Variants in UPF1 observed in about 807,000 individuals in gnomAD.
UPF1 encodes regulator of nonsense transcripts 1.
UPF1 carries 9 observed loss-of-function variants against 129.2 expected under a neutral mutation model. The ratio of observed to expected loss-of-function variants is 0.07; its 90% CI spans 0.04 to 0.12. The LOEUF (loss-of-function observed/expected upper bound fraction) is 0.12, where lower values mean the gene tolerates loss of function less well. Ranked by LOEUF, UPF1 falls within the 10% of genes least tolerant of loss-of-function variation. UPF1 has a pLI of 1.00. For synonymous variants in UPF1, 649 were observed against 644.9 expected (o/e 1.01, Z -0.10); for missense variants, 788 against 1,525.3 (o/e 0.52, Z 8.05).
At chr19:18,856,365 C>A in intron 13 of UPF1, 65 bp downstream of exon 13, 1 of 1,440,154 alleles carries the variant, frequency 6.9e-7, no homozygotes, top group Non-Finnish European at 9.5e-7. Context: ...TTGTTTGGGC[C>A]AAAGCACCTA....
At chr19:18,834,688 G>A (rs939839023) in intron 1 of UPF1, among the ~76,000 whole-genome samples, 2 of 152,182 alleles carry the variant, frequency 1.3e-5, no homozygotes, top group Admixed American at 6.5e-5. Flanking sequence ...AACGGAATTT[G>A]GGGGCAAGGA....
rs758036239 is a variant in UPF1, at chr19:18,854,945, G to A, written c.1332G>A (p.Lys444=). The change falls in exon 10 of 24, where the codon AAG becomes AAA. Residue 444 remains lysine, a synonymous_variant. Transcript: ENST00000262803. ...CGGTGTCTGGCTACATCTACCACAA[G>A]CTGTTGGGCCACGAGGTGGAGGACG... ...ETSVSGYIYH[K]LLGHEVEDVI... The A allele has an allele frequency of 1.8e-5, 29 of 1,614,248 alleles. No homozygotes were observed. Among genetic ancestry groups the A allele is most frequent in the Non-Finnish European group, 2.5e-5 (29 of 1,180,054 alleles).
At chr19:18,849,382 G>C (rs1371265975) in intron 3 of UPF1, 2 of 153,746 alleles carry the variant, frequency 1.3e-5, no homozygotes, top group Admixed American at 1.3e-4. Flanking sequence ...GTTAGATACG[G>C]CAGATAGGTG....
chr19:18,848,391 G>C (rs1218253645), intron 3 of UPF1: 1 of 155,030 alleles, frequency 6.5e-6, no homozygotes. Flanking sequence ...AATTCCAAGG[G>C]GGGAGTTCGA....
chr19:18,839,878 G>A (rs999594065), intron 1 of UPF1, among the ~76,000 whole-genome samples: 1 of 152,208 alleles, frequency 6.6e-6, no homozygotes, highest in Non-Finnish European at 1.5e-5. Flanking sequence ...AGGAGTAGGA[G>A]TGGGCTCCCC....
At chr19:18,840,062 G>T (rs927925728) in intron 1 of UPF1, among the ~76,000 whole-genome samples, 6 of 152,274 alleles carry the variant, frequency 3.9e-5, no homozygotes, top group African/African-American at 1.2e-4. Flanking sequence ...CTGCTGGGGT[G>T]CCTTGACCAA....
At position 18,850,914 on chromosome 19, in the gene UPF1, G is replaced by A. The variant is rs946174464; in HGVS notation, c.810+46G>A. ...GACCCGTGCCTTCGTGTGGTTTCTGGTTGCGGGGAGGGGAGTGTCTTCAGA... is the reference window on the plus strand; with the variant it reads ...GACCCGTGCCTTCGTGTGGTTTCTGATTGCGGGGAGGGGAGTGTCTTCAGA... On this transcript the variant is annotated intron_variant, in intron 5 of 23. Coordinates refer to ENST00000262803, the MANE Select transcript of UPF1 (RefSeq NM_002911.4). The surrounding 1 kb of genome is among the most constrained non-coding windows in gnomAD (Gnocchi z 7.1). 4.0e-6 allele frequency: 6 copies of A among 1,482,878 alleles called. No homozygotes were observed. The Admixed American group carries it at 1.5e-4, about 36-fold the overall frequency. The allele number at this position is 1,482,878 out of a possible 1,614,324, so 91.9% of individuals were successfully genotyped here. A position where few individuals can be genotyped will look rare whatever the true frequency, so the allele number is the denominator to read the frequency against.
chr19:18,835,372 C>T (rs1184632176), intron 1 of UPF1, among the ~76,000 whole-genome samples: 2 of 151,536 alleles, frequency 1.3e-5, no homozygotes, highest in Admixed American at 6.6e-5. Flanking sequence ...GACAGAGTCT[C>T]GCTCTGTTGC....
chr19:18,847,897 T>C (rs1227903660), intron 3 of UPF1, 64 bp downstream of exon 3: 6 of 1,546,182 alleles, frequency 3.9e-6, no homozygotes, highest in Non-Finnish European at 4.5e-6. Flanking sequence ...GTGTAAATTA[T>C]GGAAATGTTG....
Position 18,867,719 on chromosome 19 carries a change from G to A in UPF1, c.*1202G>A, listed in dbSNP as rs1048596057. The stretch of plus-strand genomic sequence containing the variant: ...CGCGTTCTGTGTGAAGGGACTGAGG[G>A]TGTGGTGTCATTGGCAGAGGGTCAT... On this transcript the variant is annotated 3_prime_UTR_variant, in exon 24 of 24. Coordinates refer to ENST00000262803, the MANE Select transcript of UPF1 (RefSeq NM_002911.4). The A allele has an allele frequency of 2.0e-5, 3 of 152,366 alleles. No individual in the cohort carries two copies. The highest frequency in any genetic ancestry group is 2.0e-4 in the Admixed American group (3 of 15,288). The allele number at this position is 152,366 out of a possible 1,614,324, so 9.4% of individuals were successfully genotyped here. A position where few individuals can be genotyped will look rare whatever the true frequency, so the allele number is the denominator to read the frequency against.
At position 18,866,772 on chromosome 19, in the gene UPF1, C is replaced by T. The variant is rs1341813867; in HGVS notation, c.*255C>T. On this transcript the variant is annotated 3_prime_UTR_variant, in exon 24 of 24. Coordinates refer to ENST00000262803, the MANE Select transcript of UPF1 (RefSeq NM_002911.4). ...GAGCCGCGGCCACCAGGAGGCCCCG[C>T]TCCGTCCCATCGGGGCTGCGGCCAG... The T allele has an allele frequency of 6.6e-6, 1 of 152,556 alleles. No individual in the cohort carries two copies. Among genetic ancestry groups the T allele is most frequent in the African/African-American group, 2.4e-5 (1 of 41,480 alleles). 9.5% of individuals were successfully genotyped at this position (152,556 alleles called of 1,614,324 possible).
At position 18,832,414 on chromosome 19, in the gene UPF1, G is replaced by T. The variant is rs17339451; in HGVS notation, c.205G>T (p.Ala69Ser). Residue 69 changes from alanine to serine, a missense_variant, in exon 1 of 24, where the codon GCT becomes TCT. Coordinates refer to ENST00000262803, the MANE Select transcript of UPF1 (RefSeq NM_002911.4). The surrounding 1 kb of genome is among the most constrained non-coding windows in gnomAD (Gnocchi z 5.6). ...AGGPGGAGAG[A>S]AAGQLDAQVG... Reference sequence around the variant, plus strand: ...AGGCCCGGGCGGCGCGGGCGCGGGCGCTGCGGCGGGACAGCTCGACGCGCA... The same window carrying T: ...AGGCCCGGGCGGCGCGGGCGCGGGCTCTGCGGCGGGACAGCTCGACGCGCA... The T allele has an allele frequency of 4.6e-5, 46 of 998,510 alleles. No homozygotes were observed. The highest frequency in any genetic ancestry group is 1.1e-4 in the African/African-American group (6 of 57,088). The allele number at this position is 998,510 out of a possible 1,614,324, so 61.9% of individuals were successfully genotyped here. A position where few individuals can be genotyped will look rare whatever the true frequency, so the allele number is the denominator to read the frequency against.
intron 1 of UPF1, 80 bp from the exon 2 acceptor site, chr19:18,845,900 C>A: frequency 6.5e-7 from 1 of 1,541,610 alleles, no homozygotes; most frequent in African/African-American, 1.4e-5. Context: ...GGTGTCACAC[C>A]AGAGTCATCG....
chr19:18,854,564 G>C, intron 8 of UPF1, 37 bp from the exon 9 acceptor site: 6 of 1,564,564 alleles, frequency 3.8e-6, no homozygotes, highest in Non-Finnish European at 5.2e-6. Flanking sequence ...GGTCAGCCCG[G>C]CTTTTGACAA....
intron 17 of UPF1, 145 bp downstream of exon 17, chr19:18,861,127 A>T: frequency 4.4e-6 from 5 of 1,125,904 alleles, no homozygotes; most frequent in Non-Finnish European, 6.1e-6. Flanking sequence ...CCCTCTGGGG[A>T]GGGCACAGAC....
At chr19:18,833,787 C>G (rs2055454492) in intron 1 of UPF1, among the ~76,000 whole-genome samples, 1 of 152,134 alleles carries the variant, frequency 6.6e-6, no homozygotes, top group South Asian at 2.1e-4. Flanking sequence ...CTTGCTCATC[C>G]AGAGTGAGCT....
In UPF1 at chr19:18,866,946, C is replaced by CG. The variant is rs1341222008; in HGVS notation, c.*430dup. On this transcript the variant is annotated 3_prime_UTR_variant, in exon 24 of 24. Coordinates refer to ENST00000262803, the MANE Select transcript of UPF1 (RefSeq NM_002911.4). ...AGCAGGCTCCTTGCAAAGACAGCAG[C>CG]GTGCGGGGCAGAGCCCCGGGAGGGC... is the stretch of plus-strand genomic sequence containing the variant. The CG allele has an allele frequency of 4.6e-5, 7 of 152,624 alleles. No homozygotes were observed. The highest frequency in any genetic ancestry group is 8.8e-5 in the Non-Finnish European group (6 of 68,052). The allele number at this position is 152,624 out of a possible 1,614,324, so 9.5% of individuals were successfully genotyped here.
intron 6 of UPF1, among the ~76,000 whole-genome samples, chr19:18,852,592 A>G (rs1336567749): frequency 6.6e-6 from 1 of 152,130 alleles, no homozygotes; most frequent in East Asian, 1.9e-4. Context: ...ATCCCTGTGA[A>G]GACCACATTT....
chr19:18,852,314 G>C lies in UPF1; in HGVS notation c.972+18G>C. 1 of 1,610,476 alleles carries C rather than the reference G, an allele frequency of 6.2e-7. No homozygotes were observed. The highest frequency in any genetic ancestry group is 1.3e-5 in the African/African-American group (1 of 74,764). On this transcript the variant is annotated intron_variant, in intron 6 of 23. Transcript: ENST00000262803. ...AGTCCCAGGTGATGTGTGCGAGAGG[G>C]CTTGGCCTGGGGTGGGCTCTGGCTC...
Sources: allele counts gnomAD v4.1 joint callset (sites outside exome capture counted in the v4.1 genomes callset), GRCh38; gene constraint gnomAD v4.1.1; non-coding constraint Gnocchi (gnomAD v3.1); transcripts MANE v1.5; gene names NCBI Gene and HGNC (gene_info 2026-07-23, HGNC 2026-07-21).